Variants in URB1 observed in about 807,000 individuals in gnomAD.
URB1 encodes the protein nucleolar pre-ribosomal-associated protein 1.
Under a neutral mutation model 242.3 loss-of-function variants are expected in URB1, and 197 were observed. That is an observed-to-expected ratio of 0.81 (90% confidence interval 0.72 to 0.91). The LOEUF is 0.91. URB1 is among the 40% of genes least tolerant of loss of function. URB1 has a pLI of 0.00. For synonymous variants in URB1, 1,153 were observed against 1,201.8 expected, an observed-to-expected ratio of 0.96 and a Z score of 0.84; for missense variants, 2,721 against 2,860.5, an observed-to-expected ratio of 0.95 and a Z score of 1.11.
In URB1 at chr21:32,325,336, CAGTT is replaced by C; in HGVS notation, c.5010_5013del (p.Thr1671SerfsTer14). The C allele has an allele frequency of 4.5e-6, 7 of 1,551,684 alleles. No individual in the cohort carries two copies. Among genetic ancestry groups the C allele is most frequent in the Non-Finnish European group, 5.2e-6 (6 of 1,146,980 alleles). The stretch of plus-strand genomic sequence containing the variant: ...GGGTCATAGCTGCTGAGGGCTGTGA[CAGTT>C]AGGCCCAGAGCATTTGAATCCAAAA... On this transcript the variant is annotated frameshift_variant, in exon 31 of 39. Coordinates refer to ENST00000382751, the MANE Select transcript of URB1 (RefSeq NM_014825.3). LOFTEE classifies it high-confidence loss of function.
chr21:32,375,173 T>C (rs1051857333), intron 6 of URB1, among the ~76,000 whole-genome samples: 3 of 152,248 alleles, frequency 2.0e-5, no homozygotes, highest in African/African-American at 7.2e-5. Context: ...ACAGCAGCCA[T>C]GTCTGGACAT....
At position 32,384,320 on chromosome 21, in the gene URB1, C is replaced by T. The variant is rs2033558058; in HGVS notation, c.427G>A (p.Gly143Ser). 4 of 1,551,452 alleles carry T rather than the reference C, an allele frequency of 2.6e-6. No homozygotes were observed. ...CCAAGGCAGACTGCCTACCTGTAAC[C>T]TGAGGCATACAGGGACTCACAGATG... ...KLICESLYAS[G>S]YRLARACLSL... The change falls in exon 3 of 39, where the codon GGT becomes AGT. Residue 143 changes from glycine to serine, a missense_variant. Gly to Ser is a moderately conservative substitution (Grantham distance 56). Transcript: ENST00000382751.
At chr21:32,350,146 G>T (rs2033141018) in intron 20 of URB1, among the ~76,000 whole-genome samples, 1 of 151,540 alleles carries the variant, frequency 6.6e-6, no homozygotes, top group African/African-American at 2.4e-5. Context: ...AAAAGAGGGA[G>T]GGAGGGCTGG....
At chr21:32,345,676 G>A (rs2033078948) in intron 22 of URB1, 101 bp from the exon 23 acceptor site, 2 of 1,233,206 alleles carry the variant, frequency 1.6e-6, no homozygotes, top group East Asian at 2.6e-5. Flanking sequence ...TAGGTATCCT[G>A]TGACCCTGGT....
chr21:32,322,656 G>C, intron 32 of URB1, 72 bp from the exon 33 acceptor site: 1 of 1,106,864 alleles, frequency 9.0e-7, no homozygotes, highest in Non-Finnish European at 1.3e-6. Flanking sequence ...AGCACTAAGA[G>C]GCAGGCATTC....
intron 17 of URB1, among the ~76,000 whole-genome samples, chr21:32,354,626 G>C (rs1220501841): frequency 6.6e-6 from 1 of 152,158 alleles, no homozygotes; most frequent in Non-Finnish European, 1.5e-5. Context: ...AACTTAAAAA[G>C]AGCTTAAAAC....
intron 9 of URB1, among the ~76,000 whole-genome samples, chr21:32,367,514 C>T (rs1461734006): frequency 6.6e-6 from 1 of 152,180 alleles, no homozygotes; most frequent in African/African-American, 2.4e-5. Flanking sequence ...GAAACAATCC[C>T]AGGTATTTTA....
At chr21:32,379,717 C>T (rs1418300123) in intron 4 of URB1, among the ~76,000 whole-genome samples, 3 of 152,282 alleles carry the variant, frequency 2.0e-5, no homozygotes, top group Non-Finnish European at 2.9e-5. Context: ...CAGCCGGACA[C>T]GGTGGCTCAT....
chr21:32,368,922 C>G (rs1197510163), intron 8 of URB1, among the ~76,000 whole-genome samples: 1 of 152,198 alleles, frequency 6.6e-6, no homozygotes, highest in Non-Finnish European at 1.5e-5. Context: ...TCTACCTCAG[C>G]CACCTACCAG....
chr21:32,381,094 T>TCTG (rs1417191284), intron 4 of URB1, among the ~76,000 whole-genome samples: 3 of 152,364 alleles, frequency 2.0e-5, no homozygotes, highest in Non-Finnish European at 4.4e-5. Context: ...GGCTCTAGGC[T>TCTG]CTGCCACTGT....
rs187874236 is a variant in URB1, at chr21:32,325,920, A to G, written c.4961-531T>C. Among the ~76,000 whole-genome samples, 122 of 152,338 alleles carry G rather than the reference A, an allele frequency of 8.0e-4. 1 individual carries two copies. Among genetic ancestry groups the G allele is most frequent in the African/African-American group, 2.8e-3 (116 of 41,588 alleles). ...CTCTGCAACCCTAGCTCTTCCTTCA[A>G]ATAAACAACACAAGTCTCACAGAAA... On this transcript the variant is annotated intron_variant, in intron 30 of 38. Transcript: ENST00000382751.
At chr21:32,320,751 A>T in intron 34 of URB1, 111 bp from the exon 35 acceptor site, 1 of 788,094 alleles carries the variant, frequency 1.3e-6, no homozygotes, top group Non-Finnish European at 2.1e-6. Context: ...GGTGGCTGCA[A>T]ATGAAGCCTG....
Position 32,352,737 on chromosome 21 carries a change from C to G in URB1, c.2586G>C (p.Trp862Cys). 6.4e-7 allele frequency: 1 copy of G among 1,551,542 alleles called. No homozygotes were observed. Among genetic ancestry groups the G allele is most frequent in the Non-Finnish European group, 8.7e-7 (1 of 1,146,966 alleles). Residue 862 changes from tryptophan to cysteine, a missense_variant, in exon 19 of 39, where the codon TGG (tryptophan) becomes TGC (cysteine). Physicochemically the swap from Trp to Cys is radical, Grantham distance 215. Transcript: ENST00000382751. Reference sequence around the variant, plus strand: ...AGGCCTCTCGGGCTTGCTCCGGGATCCAGAGGCTGTAGTATCTGTTAAACC... The same window carrying G: ...AGGCCTCTCGGGCTTGCTCCGGGATGCAGAGGCTGTAGTATCTGTTAAACC... Reference protein sequence around the residue: ...LSRFNRYYSLWIPEQAREAWL... With the variant: ...LSRFNRYYSLCIPEQAREAWL...
intron 28 of URB1, 130 bp downstream of exon 28, chr21:32,336,964 G>A (rs945050186): frequency 2.3e-6 from 2 of 887,124 alleles, no homozygotes; most frequent in Non-Finnish European, 1.8e-6. Flanking sequence ...GTGAGTCAGG[G>A]GAGTGCTGCC....
At chr21:32,346,816 C>A in intron 22 of URB1, 140 bp downstream of exon 22, 1 of 1,247,108 alleles carries the variant, frequency 8.0e-7, no homozygotes, top group Non-Finnish European at 1.1e-6. Context: ...CTTTCTCCAT[C>A]TTCAGAGTTG....
chr21:32,384,521 A>G, intron 2 of URB1, 57 bp from the exon 3 acceptor site: 1 of 1,519,814 alleles, frequency 6.6e-7, no homozygotes, highest in East Asian at 2.5e-5. Flanking sequence ...CCTCCTGTAC[A>G]TATATGCTCC....
chr21:32,380,651 C>T (rs2033512608), intron 4 of URB1, among the ~76,000 whole-genome samples: 1 of 152,194 alleles, frequency 6.6e-6, no homozygotes, highest in African/African-American at 2.4e-5. Flanking sequence ...ATCTCTATGC[C>T]TCATTGTTCA....
At position 32,337,471 on chromosome 21, in the gene URB1, G is replaced by A. The variant is rs2032974487; in HGVS notation, c.4554C>T (p.Pro1518=). The A allele has an allele frequency of 1.3e-6, 2 of 1,551,382 alleles. No homozygotes were observed. Among genetic ancestry groups the A allele is most frequent in the Non-Finnish European group, 1.7e-6 (2 of 1,146,960 alleles). ...CAAAGTGGCTGCTCTCACAGACAGA[G>A]GGGCACATCTCCACCACCGTCAGCA... ...DLMLTVVEMC[P]SVCESSHFAV... The change falls in exon 27 of 39, where the codon CCC becomes CCT. Residue 1518 remains proline, a synonymous_variant. Transcript: ENST00000382751.
intron 24 of URB1, 136 bp downstream of exon 24, chr21:32,344,434 C>A (rs891824818): frequency 1.7e-5 from 16 of 934,656 alleles, no homozygotes; most frequent in Non-Finnish European, 2.4e-5. Context: ...TGCCACTCTG[C>A]CCCAGACACA....
Sources: gnomAD v4.1 joint callset for allele counts (sites outside exome capture counted in the v4.1 genomes callset) on GRCh38, gnomAD v4.1.1 for gene constraint, MANE v1.5 for transcripts, NCBI Gene and HGNC (gene_info 2026-07-23, HGNC 2026-07-21) for gene names.